TMEM164: variants seen among roughly 807,000 people sequenced by gnomAD.
The protein encoded by TMEM164 is transmembrane protein 164, also known as RP13-360B22.2.
A neutral mutation model predicts 18.8 loss-of-function variants in TMEM164; 4 were observed. The ratio of observed to expected loss-of-function variants is 0.21; its 90% CI spans 0.10 to 0.49. The LOEUF is 0.49. TMEM164 is among the 20% of genes least tolerant of loss of function. The pLI is 0.98. For missense variants in TMEM164, 108 were observed against 239.9 expected (o/e 0.45, Z 3.63); for synonymous variants, 86 against 101.7 (o/e 0.85, Z 0.93).
At chrX:110,067,547 T>A in intron 3 of TMEM164, 151 bp downstream of exon 3, 1 of 504,631 alleles carries the variant, frequency 2.0e-6, no homozygotes, top group Non-Finnish European at 3.3e-6. Context: ...GAGGGCCTAC[T>A]GAAACAGGGA....
chrX:110,142,452 TG>T (rs2066783758), intron 4 of TMEM164, among the ~76,000 whole-genome samples: 1 of 112,204 alleles, frequency 8.9e-6, no homozygotes, highest in South Asian at 3.7e-4. Context: ...CCAAACTGCT[TG>T]GATTTGAATC....
At position 110,114,164 on chromosome X, in the gene TMEM164, G is replaced by A. The variant is rs548301265; in HGVS notation, c.507+5018G>A. Among the ~76,000 whole-genome samples, 29 of 111,912 alleles carry A rather than the reference G, an allele frequency of 2.6e-4. No homozygotes were observed. In the South Asian group the frequency reaches 0.011, roughly 42 times the overall value. On this transcript the variant is annotated intron_variant, in intron 4 of 6. Transcript: ENST00000372068. ...TTCTATTCCATGAATGAAATTCAGG[G>A]AGAGTTTGTGTGCTGGTGATAGAGT...
intron 4 of TMEM164, among the ~76,000 whole-genome samples, chrX:110,137,973 G>A (rs776608051): frequency 3.6e-5 from 4 of 112,117 alleles, no homozygotes; most frequent in Non-Finnish European, 7.5e-5. Flanking sequence ...CTGATGTGGG[G>A]AGCTAAAGTT....
rs34180052 is a variant in TMEM164 at position 110,116,876 on chromosome X, GGTGTGT to G, written c.507+7750_507+7755del. ...TGCGCGTGTGCGTGTGTGTGTGTGT[GGTGTGT>G]GTGTGTGTGTGTGTGTGTGAAGGGG... On this transcript the variant is annotated intron_variant, in intron 4 of 6. Coordinates refer to ENST00000372068, the MANE Select transcript of TMEM164 (RefSeq NM_032227.4). Among the ~76,000 whole-genome samples the G allele has an allele frequency of 1.4e-4, 14 of 98,978 alleles. 1 individual carries two copies. The South Asian group carries it at 3.7e-3, about 26-fold the overall frequency. 86.0% of individuals were successfully genotyped at this position (98,978 alleles called of 115,157 possible).
At chrX:110,040,564 T>A (rs936065848) in intron 2 of TMEM164, among the ~76,000 whole-genome samples, 8 of 112,148 alleles carry the variant, frequency 7.1e-5, no homozygotes, top group African/African-American at 2.6e-4. Context: ...CTTTTCATGA[T>A]GACAAGATGC....
chrX:110,181,679 C>T (rs898818295), downstream of TMEM164, among the ~76,000 whole-genome samples: 10 of 112,889 alleles, frequency 8.9e-5, no homozygotes, highest in Non-Finnish European at 3.8e-5. Context: ...TTTCAGGTCC[C>T]GAGTGCCCTT....
chrX:110,010,392 C>T (rs190594947), intron 2 of TMEM164, among the ~76,000 whole-genome samples: 6 of 113,104 alleles, frequency 5.3e-5, no homozygotes, highest in Admixed American at 1.9e-4. Flanking sequence ...TCTTGTCTCA[C>T]GTGCTCCTCT....
intron 5 of TMEM164, among the ~76,000 whole-genome samples, chrX:110,150,102 T>C (rs2066918862): frequency 8.9e-6 from 1 of 112,080 alleles, no homozygotes; most frequent in South Asian, 3.7e-4. Flanking sequence ...AGATAAGTAC[T>C]CTGAAAGAAA....
rs1023171888 is a variant in TMEM164 at position 110,103,282 on chromosome X, G to T, written c.441-5798G>T. 5.3e-5 allele frequency among the ~76,000 whole-genome samples: 6 copies of T among 112,390 alleles called. No homozygotes were observed. In the East Asian group the frequency reaches 1.4e-3, roughly 26 times the overall value. ...CAAGAGGCTCAGGATACTAGGCAAGGCCACTTGGGAAAGACATTAGGGTGG... is the reference window on the plus strand; with the variant it reads ...CAAGAGGCTCAGGATACTAGGCAAGTCCACTTGGGAAAGACATTAGGGTGG... On this transcript the variant is annotated intron_variant, in intron 3 of 6. Coordinates refer to ENST00000372068, the MANE Select transcript of TMEM164 (RefSeq NM_032227.4).
At chrX:110,135,095 G>T (rs974290977) in intron 4 of TMEM164, among the ~76,000 whole-genome samples, 4 of 110,764 alleles carry the variant, frequency 3.6e-5, no homozygotes, top group Non-Finnish European at 5.7e-5. Flanking sequence ...AGAGCCCAAA[G>T]TCAAGATCTT....
chrX:110,156,493 C>T (rs894334937), intron 5 of TMEM164, among the ~76,000 whole-genome samples: 3 of 110,806 alleles, frequency 2.7e-5, no homozygotes, highest in African/African-American at 9.9e-5. Context: ...ATCCGTGAGG[C>T]CCCTGAATTT....
intron 4 of TMEM164, among the ~76,000 whole-genome samples, chrX:110,131,035 T>C (rs181481632): frequency 7.0e-4 from 79 of 112,474 alleles, no homozygotes; most frequent in African/African-American, 2.3e-3. Context: ...TGACATTTGC[T>C]TTCCCTTGAT....
chrX:110,065,910 C>A (rs1159101624), intron 2 of TMEM164, among the ~76,000 whole-genome samples: 1 of 112,301 alleles, frequency 8.9e-6, no homozygotes, highest in Non-Finnish European at 1.9e-5. Flanking sequence ...TTGAAGAAAA[C>A]AAACTTTCAG....
chrX:110,171,581 A>G (rs1321875130), intron 6 of TMEM164, 61 bp downstream of exon 6: 3 of 950,372 alleles, frequency 3.2e-6, no homozygotes, highest in Admixed American at 2.2e-5. Flanking sequence ...AATCTTGGTA[A>G]TCCTGGTTGG....
chrX:110,072,089 T>C (rs963409000), intron 3 of TMEM164, among the ~76,000 whole-genome samples: 1 of 108,884 alleles, frequency 9.2e-6, no homozygotes, highest in Non-Finnish European at 1.9e-5. Context: ...CCACCTGAGG[T>C]CAGGAGTTCA....
intron 2 of TMEM164, among the ~76,000 whole-genome samples, chrX:110,030,533 C>T (rs1196996111): frequency 3.8e-5 from 4 of 106,591 alleles, no homozygotes; most frequent in Non-Finnish European, 7.7e-5. Context: ...AAAGATAGTA[C>T]ATTCACTGGG....
chrX:110,106,871 T>C (rs1034353785), intron 3 of TMEM164, among the ~76,000 whole-genome samples: 1 of 111,798 alleles, frequency 8.9e-6, no homozygotes, highest in African/African-American at 3.3e-5. Context: ...TAGTACTCCA[T>C]TTGTCAGACA....
At chrX:110,074,835 C>G (rs1447791381) in intron 3 of TMEM164, among the ~76,000 whole-genome samples, 1 of 111,871 alleles carries the variant, frequency 8.9e-6, no homozygotes, top group African/African-American at 3.2e-5. Flanking sequence ...TTTTGTACCA[C>G]TACCATGCTG....
intron 5 of TMEM164, among the ~76,000 whole-genome samples, chrX:110,168,716 C>T (rs1422706601): frequency 8.9e-6 from 1 of 112,384 alleles, no homozygotes; most frequent in Non-Finnish European, 1.9e-5. Flanking sequence ...TCTTCTCGCC[C>T]ACATGCTCTC....
Sources: allele counts gnomAD v4.1 joint callset (sites outside exome capture counted in the v4.1 genomes callset), GRCh38; gene constraint gnomAD v4.1.1; transcripts MANE v1.5; gene names NCBI Gene and HGNC (gene_info 2026-07-23, HGNC 2026-07-21).